The following FANCI variants were observed in gnomAD, a reference collection of about 807,000 sequenced individuals.
FANCI encodes the protein Fanconi anemia group I protein.
Under a neutral mutation model 176.1 loss-of-function variants are expected in FANCI, and 156 were observed. The ratio of observed to expected loss-of-function variants is 0.89; its 90% CI spans 0.78 to 1.01. The LOEUF is 1.01. FANCI is among the 50% of genes least tolerant of loss of function. FANCI has a pLI of 0.00. For missense variants in FANCI, 1,678 were observed against 1,534.1 expected, an observed-to-expected ratio of 1.09 and a Z score of -1.57; for synonymous variants, 613 against 541.7, an observed-to-expected ratio of 1.13 and a Z score of -1.83.
In FANCI at chr15:89,316,932, G is replaced by A; in HGVS notation, c.*473G>A. On this transcript the variant is annotated 3_prime_UTR_variant, in exon 38 of 38. Transcript: ENST00000310775. ...TGCTAAGGTCAAAAGGAGAGTGAAA[G>A]GTTGAGAACAATTGCCACGAACGGT... 1 of 850,944 alleles carries A rather than the reference G, an allele frequency of 1.2e-6. No individual in the cohort carries two copies. Among genetic ancestry groups the A allele is most frequent in the Admixed American group, 1.8e-5 (1 of 55,998 alleles). The allele number at this position is 850,944 out of a possible 1,614,324, so 52.7% of individuals were successfully genotyped here.
In FANCI at chr15:89,284,527, T is replaced by C. The variant is rs7168723; in HGVS notation, c.1699-569T>C. ...AGGTTAAATAACTTGCCCAAGGTTA[T>C]ATAACCAAGAAAGGGTGGAAGAAGG... is the stretch of plus-strand genomic sequence containing the variant. On this transcript the variant is annotated intron_variant, in intron 17 of 37. Transcript: ENST00000310775. 2.7e-3 allele frequency among the ~76,000 whole-genome samples: 405 copies of C among 152,178 alleles called. 8 individuals carry two copies. The highest frequency in any genetic ancestry group is 0.015 in the East Asian group (77 of 5,174).
At chr15:89,255,103 T>G (rs1171353526) in intron 2 of FANCI, among the ~76,000 whole-genome samples, 1 of 152,220 alleles carries the variant, frequency 6.6e-6, no homozygotes, top group Non-Finnish European at 1.5e-5. Flanking sequence ...TTCCCCCTGA[T>G]TTCCTACACT....
intron 37 of FANCI, 199 bp from the exon 38 acceptor site, chr15:89,316,198 A>G: frequency 1.6e-6 from 1 of 612,232 alleles, no homozygotes; most frequent in South Asian, 2.0e-5. Context: ...AGGAGGTGCC[A>G]CTGTCTTATT....
At chr15:89,266,239 G>C (rs2052955036) in intron 9 of FANCI, among the ~76,000 whole-genome samples, 1 of 143,280 alleles carries the variant, frequency 7.0e-6, no homozygotes, top group African/African-American at 2.6e-5. Flanking sequence ...TCGGCTCACT[G>C]CAACCTCTGC....
chr15:89,269,045 A>G (rs762892988), intron 10 of FANCI, among the ~76,000 whole-genome samples: 24 of 152,208 alleles, frequency 1.6e-4, no homozygotes, highest in Non-Finnish European at 3.1e-4. Context: ...GTACAGATAT[A>G]TTTGTTCCTC....
chr15:89,297,599 A>G (rs974223829), intron 24 of FANCI, among the ~76,000 whole-genome samples: 4 of 152,152 alleles, frequency 2.6e-5, no homozygotes, highest in African/African-American at 9.7e-5. Flanking sequence ...TCTCCATCAA[A>G]AAAATACGAA....
In FANCI at chr15:89,260,714, T is replaced by A. The variant is rs1460295573; in HGVS notation, c.159T>A (p.Gly53=). ...GAACCCCCTGTTTAAAACAATAAGG[T>A]TCCCCCTGCTCTGAGGAAGCTGGAA... ...AGALLRAIFK[G]SPCSEEAGTL... Residue 53 remains glycine (G), a splice_region_variant and synonymous_variant, in exon 4 of 38, where the codon GGT becomes GGA. Coordinates refer to ENST00000310775, the MANE Select transcript of FANCI (RefSeq NM_001113378.2). 6.2e-7 allele frequency: 1 copy of A among 1,613,606 alleles called. No homozygotes were observed. The highest frequency in any genetic ancestry group is 2.2e-5 in the East Asian group (1 of 44,852).
At chr15:89,273,512 A>T (rs763860993) in intron 11 of FANCI, 43 bp downstream of exon 11, 8 of 71,992 alleles carry the variant, frequency 1.1e-4, no homozygotes, top group East Asian at 4.7e-4. Context: ...TGTAGTTGGT[A>T]AAAAAAAAAA....
intron 24 of FANCI, among the ~76,000 whole-genome samples, chr15:89,295,378 A>G (rs1446091676): frequency 6.6e-6 from 1 of 151,824 alleles, no homozygotes; most frequent in Non-Finnish European, 1.5e-5. Flanking sequence ...AAAAAAAAAA[A>G]AAAAAAGCCA....
intron 35 of FANCI, among the ~76,000 whole-genome samples, chr15:89,313,900 TAC>T (rs34352725): frequency 0.034 from 4,822 of 142,566 alleles, 103 homozygotes; most frequent in African/African-American, 0.055. Context: ...GGGTTAAAAA[TAC>T]ACACACACAC....
At chr15:89,273,863 T>A (rs1014130113) in intron 11 of FANCI, among the ~76,000 whole-genome samples, 2 of 152,224 alleles carry the variant, frequency 1.3e-5, no homozygotes, top group Non-Finnish European at 2.9e-5. Flanking sequence ...TTATATGTGT[T>A]CCAGGTTGTG....
In FANCI at chr15:89,299,913, G is replaced by A. The variant is rs2151839260; in HGVS notation, c.2750G>A (p.Ser917Asn). 1 of 1,614,098 alleles carries A rather than the reference G, an allele frequency of 6.2e-7. No individual in the cohort carries two copies. The highest frequency in any genetic ancestry group is 8.5e-7 in the Non-Finnish European group (1 of 1,179,992). ...TTGGAGGGTTTACAGAAAATATTCA[G>A]TGCTGTGCAACAGTTCTATCAGCCC... is the stretch of plus-strand genomic sequence containing the variant. ...LCLEGLQKIF[S>N]AVQQFYQPKI... The change falls in exon 25 of 38, where the codon AGT becomes AAT. Residue 917 changes from serine (S) to asparagine (N), a missense_variant. By Grantham distance (46) the Ser-to-Asn change is conservative. Transcript: ENST00000310775.
chr15:89,314,595 A>G lies in FANCI; in HGVS notation c.3721-17A>G, dbSNP rs1209336975. 2 of 1,592,690 alleles carry G rather than the reference A, an allele frequency of 1.3e-6. No individual in the cohort carries two copies. The highest frequency in any genetic ancestry group is 1.3e-5 in the African/African-American group (1 of 74,460). On this transcript the variant is annotated splice_polypyrimidine_tract_variant and intron_variant, in intron 35 of 37. Transcript: ENST00000310775. Reference sequence around the variant, plus strand: ...CCATTGAACCTGAAATTTAAGTCTTATGTTCTTTGCCCTTAGGCCAGAGTT... The same window carrying G: ...CCATTGAACCTGAAATTTAAGTCTTGTGTTCTTTGCCCTTAGGCCAGAGTT...
At chr15:89,281,038 A>G in intron 14 of FANCI, 132 bp from the exon 15 acceptor site, 1 of 872,374 alleles carries the variant, frequency 1.1e-6, no homozygotes, top group Admixed American at 2.1e-5. Flanking sequence ...ATCAGTAGAA[A>G]TTTGTATTGC....
intron 2 of FANCI, among the ~76,000 whole-genome samples, chr15:89,252,142 A>C (rs746977075): frequency 1.3e-5 from 2 of 151,988 alleles, no homozygotes; most frequent in Non-Finnish European, 2.9e-5. Flanking sequence ...TCTACTAAAA[A>C]TATAAAAATT....
At chr15:89,255,291 G>C (rs2052444196) in intron 2 of FANCI, among the ~76,000 whole-genome samples, 2 of 152,104 alleles carry the variant, frequency 1.3e-5, no homozygotes, top group Non-Finnish European at 2.9e-5. Flanking sequence ...GCCCTTTTTA[G>C]TGTATCAAAT....
chr15:89,280,882 A>G (rs921727574), intron 14 of FANCI, among the ~76,000 whole-genome samples: 1 of 152,204 alleles, frequency 6.6e-6, no homozygotes, highest in African/African-American at 2.4e-5. Context: ...GCTTAGAAGT[A>G]AGAAGATGTG....
chr15:89,261,467 G>A (rs985470427), intron 4 of FANCI, 118 bp from the exon 5 acceptor site: 35 of 1,262,024 alleles, frequency 2.8e-5, no homozygotes, highest in Non-Finnish European at 3.7e-5. Context: ...AATCCCTTAT[G>A]GGACCAGTTC....
chr15:89,289,161 G>A (rs572032943), intron 18 of FANCI, among the ~76,000 whole-genome samples: 7 of 151,958 alleles, frequency 4.6e-5, no homozygotes, highest in Non-Finnish European at 8.8e-5. Flanking sequence ...ATCTCTGTAT[G>A]CCATTTTAAA....
Sources: allele counts gnomAD v4.1 joint callset (sites outside exome capture counted in the v4.1 genomes callset), GRCh38; gene constraint gnomAD v4.1.1; transcripts MANE v1.5; gene names NCBI Gene and HGNC (gene_info 2026-07-23, HGNC 2026-07-21).